Variants in INVS observed in about 807,000 individuals in gnomAD.
INVS encodes the protein inversion of embryo turning homolog.
INVS carries 86 observed loss-of-function variants against 108.8 expected under a neutral mutation model. The ratio of observed to expected loss-of-function variants is 0.79; its 90% CI spans 0.66 to 0.95. INVS has a LOEUF of 0.95. Ranked by LOEUF, INVS falls within the 40% of genes least tolerant of loss-of-function variation. The pLI is 0.00. For synonymous variants in INVS, 455 were observed against 473.5 expected (o/e 0.96, Z 0.51); for missense variants, 1,169 against 1,297.4 (o/e 0.90, Z 1.52).
intron 3 of INVS, among the ~76,000 whole-genome samples, chr9:100,206,000 A>G (rs532411892): frequency 1.3e-5 from 2 of 152,118 alleles, no homozygotes; most frequent in African/African-American, 4.8e-5. Flanking sequence ...TCAACCAGCT[A>G]TTTAGTGACT....
At chr9:100,176,958 G>C (rs1345029472) in intron 3 of INVS, among the ~76,000 whole-genome samples, 1 of 151,120 alleles carries the variant, frequency 6.6e-6, no homozygotes, top group Non-Finnish European at 1.5e-5. Flanking sequence ...AGTTTGCCTG[G>C]TTTAAGTACA....
At chr9:100,104,960 A>G (rs1167850533) in intron 2 of INVS, among the ~76,000 whole-genome samples, 3 of 152,180 alleles carry the variant, frequency 2.0e-5, no homozygotes, top group East Asian at 1.9e-4. Context: ...ATATATACCC[A>G]AAGTATTAAA....
At chr9:100,154,434 C>T (rs905017116) in intron 3 of INVS, among the ~76,000 whole-genome samples, 5 of 148,344 alleles carry the variant, frequency 3.4e-5, no homozygotes, top group African/African-American at 1.2e-4. Context: ...TCTTCAGCCT[C>T]CCAAAGTGCT....
At chr9:100,230,082 C>T (rs1831460494) in intron 5 of INVS, among the ~76,000 whole-genome samples, 1 of 152,174 alleles carries the variant, frequency 6.6e-6, no homozygotes, top group Non-Finnish European at 1.5e-5. Context: ...ACCCCAGCAA[C>T]TACTTCCCTG....
At chr9:100,169,706 A>G (rs1208582352) in intron 3 of INVS, among the ~76,000 whole-genome samples, 1 of 152,196 alleles carries the variant, frequency 6.6e-6, no homozygotes, top group African/African-American at 2.4e-5. Context: ...TCTTTATGAA[A>G]GCCCTGAATA....
At chr9:100,225,144 G>A (rs927625920) in intron 3 of INVS, among the ~76,000 whole-genome samples, 19 of 148,956 alleles carry the variant, frequency 1.3e-4, no homozygotes, top group Non-Finnish European at 2.5e-4. Flanking sequence ...TGCAAGCTCC[G>A]CCTCCCAGGT....
At chr9:100,290,379 C>T (rs1833574155) in intron 13 of INVS, among the ~76,000 whole-genome samples, 1 of 152,144 alleles carries the variant, frequency 6.6e-6, no homozygotes, top group South Asian at 2.1e-4. Flanking sequence ...GACAGAGTTT[C>T]GCTCTTGTCG....
intron 3 of INVS, among the ~76,000 whole-genome samples, chr9:100,195,561 C>T (rs1172062461): frequency 6.6e-6 from 1 of 152,024 alleles, no homozygotes; most frequent in African/African-American, 2.4e-5. Context: ...GATCTCGGCT[C>T]ACTGCAGCCT....
chr9:100,144,645 G>C (rs1476071975), intron 3 of INVS, among the ~76,000 whole-genome samples: 1 of 152,092 alleles, frequency 6.6e-6, no homozygotes, highest in Non-Finnish European at 1.5e-5. Flanking sequence ...GGCTAGTCGC[G>C]GAACAAAACT....
intron 3 of INVS, among the ~76,000 whole-genome samples, chr9:100,138,831 G>A (rs1208967967): frequency 8.0e-5 from 12 of 150,208 alleles, no homozygotes; most frequent in Admixed American, 3.3e-4. Flanking sequence ...CTCAGTCTCC[G>A]AAGTAACAGG....
chr9:100,175,156 C>T (rs1182916171), intron 3 of INVS: 7 of 386,786 alleles, frequency 1.8e-5, no homozygotes, highest in East Asian at 5.4e-5. Context: ...TAAATTTTTT[C>T]CTCCCCTTTT....
At chr9:100,279,976 A>G in intron 12 of INVS, among the ~76,000 whole-genome samples, 1 of 152,236 alleles carries the variant, frequency 6.6e-6, no homozygotes, top group Non-Finnish European at 1.5e-5. Flanking sequence ...ATATTGTGCA[A>G]ACAAATACAT....
At chr9:100,175,235 A>G (rs1020079144) in intron 3 of INVS, 26 of 604,970 alleles carry the variant, frequency 4.3e-5, no homozygotes, top group South Asian at 6.8e-5. Context: ...ATCCAACTGT[A>G]AAGACTCTTT....
At chr9:100,214,948 C>G (rs966679275) in intron 3 of INVS, 1 of 152,366 alleles carries the variant, frequency 6.6e-6, no homozygotes, top group Non-Finnish European at 1.5e-5. Context: ...TGCTTTCCTT[C>G]TTTGGCCACA....
At chr9:100,197,075 G>C (rs1365993597) in intron 3 of INVS, among the ~76,000 whole-genome samples, 1 of 152,120 alleles carries the variant, frequency 6.6e-6, no homozygotes, top group African/African-American at 2.4e-5. Context: ...TGAAGTCTCA[G>C]TGTCCAGACT....
chr9:100,287,609 G>C lies in INVS; in HGVS notation c.2068+3006G>C, dbSNP rs1005334138. Among the ~76,000 whole-genome samples the C allele has an allele frequency of 2.6e-4, 40 of 152,156 alleles. 1 individual carries two copies. Among genetic ancestry groups the C allele is most frequent in the African/African-American group, 8.4e-4 (35 of 41,428 alleles). On this transcript the variant is annotated intron_variant, in intron 13 of 16. Transcript: ENST00000262457. The stretch of plus-strand genomic sequence containing the variant: ...ATAGTGAGTTCTTACAAGATCTCAT[G>C]GTTTAAATGTGTGTGGCACTTCCCC...
At chr9:100,129,662 T>C (rs889984749) in intron 3 of INVS, 1 of 705,896 alleles carries the variant, frequency 1.4e-6, no homozygotes, top group South Asian at 1.5e-5. Context: ...AAATACTATA[T>C]ACATTGTTTG....
intron 3 of INVS, among the ~76,000 whole-genome samples, chr9:100,134,585 G>A (rs987656544): frequency 4.6e-5 from 7 of 152,050 alleles, no homozygotes; most frequent in African/African-American, 1.4e-4. Context: ...TTCCCTGAAC[G>A]CCCCATCCAT....
intron 3 of INVS, among the ~76,000 whole-genome samples, chr9:100,158,385 T>C (rs1829068545): frequency 6.6e-6 from 1 of 152,230 alleles, no homozygotes; most frequent in African/African-American, 2.4e-5. Context: ...CTAAGTATAT[T>C]GAATAAAGAG....
Sources: gnomAD v4.1 joint callset for allele counts (sites outside exome capture counted in the v4.1 genomes callset) on GRCh38, gnomAD v4.1.1 for gene constraint, MANE v1.5 for transcripts, NCBI Gene and HGNC (gene_info 2026-07-23, HGNC 2026-07-21) for gene names.